SYT1: variants seen among roughly 807,000 people sequenced by gnomAD.
The protein encoded by SYT1 is synaptotagmin-1.
SYT1 carries 8 observed loss-of-function variants against 44.8 expected under a neutral mutation model. That is an observed-to-expected ratio of 0.18 (90% CI 0.10 to 0.32). SYT1 has a LOEUF of 0.32. SYT1 is among the 10% of genes least tolerant of loss of function. The pLI, the probability that SYT1 is intolerant of heterozygous loss-of-function variation, is 1.00. For synonymous variants in SYT1, 154 were observed against 188.8 expected (o/e 0.82, Z 1.51); for missense variants, 286 against 509.3 (o/e 0.56, Z 4.22).
intron 3 of SYT1, among the ~76,000 whole-genome samples, chr12:79,198,451 T>C (rs1255421693): frequency 6.6e-6 from 1 of 152,224 alleles, no homozygotes; most frequent in African/African-American, 2.4e-5. Flanking sequence ...TTCTAAGCCT[T>C]CTAAAAGGCA....
At chr12:79,262,460 A>ATAG (rs1555212573) in intron 4 of SYT1, among the ~76,000 whole-genome samples, 1 of 151,708 alleles carries the variant, frequency 6.6e-6, no homozygotes, top group Non-Finnish European at 1.5e-5. Context: ...TTTACAAGAA[A>ATAG]TATACAATTC....
chr12:79,413,050 A>C (rs1249144170), intron 9 of SYT1, among the ~76,000 whole-genome samples: 1 of 152,154 alleles, frequency 6.6e-6, no homozygotes, highest in East Asian at 1.9e-4. Context: ...TTCAGACTGA[A>C]AGGAAAAAGC....
chr12:79,026,667 T>TTA (rs3064320), intron 2 of SYT1, among the ~76,000 whole-genome samples: 6,544 of 102,038 alleles, frequency 0.064, 208 homozygotes, highest in Non-Finnish European at 0.081. Context: ...CATATATATT[T>TTA]TATATATATA....
chr12:78,924,908 G>A (rs1187868672), intron 1 of SYT1, among the ~76,000 whole-genome samples: 3 of 151,568 alleles, frequency 2.0e-5, no homozygotes, highest in East Asian at 3.9e-4. Flanking sequence ...CTAGATCATG[G>A]GCTAGGTCTT....
chr12:79,255,627 C>G (rs983859390), intron 4 of SYT1, among the ~76,000 whole-genome samples: 1 of 152,206 alleles, frequency 6.6e-6, no homozygotes, highest in Non-Finnish European at 1.5e-5. Flanking sequence ...AATACCAGAA[C>G]AATTCAGCAC....
chr12:78,947,962 G>T (rs965119740), intron 1 of SYT1, among the ~76,000 whole-genome samples: 3 of 151,646 alleles, frequency 2.0e-5, no homozygotes, highest in Non-Finnish European at 4.4e-5. Flanking sequence ...TAAAATACCA[G>T]CTATAGATTT....
chr12:79,322,619 C>G (rs2138983524), intron 8 of SYT1, among the ~76,000 whole-genome samples: 2 of 152,208 alleles, frequency 1.3e-5, no homozygotes, highest in South Asian at 4.2e-4. Context: ...GAACCAAATT[C>G]TCTCCTCCCT....
At chr12:79,428,149 A>C (rs899371288) in intron 9 of SYT1, among the ~76,000 whole-genome samples, 2 of 152,194 alleles carry the variant, frequency 1.3e-5, no homozygotes, top group African/African-American at 4.8e-5. Flanking sequence ...GTCTTCATAG[A>C]TAAATTGGAA....
chr12:79,377,142 C>T (rs534074462), intron 9 of SYT1, among the ~76,000 whole-genome samples: 26 of 123,158 alleles, frequency 2.1e-4, no homozygotes, highest in African/African-American at 1.0e-3. Flanking sequence ...GACAGAGTCT[C>T]GCTCCATTGC....
At chr12:79,380,527 C>T (rs1035773494) in intron 9 of SYT1, among the ~76,000 whole-genome samples, 3 of 152,084 alleles carry the variant, frequency 2.0e-5, no homozygotes, top group East Asian at 1.9e-4. Flanking sequence ...CCCAAGTAGT[C>T]GGGACTACAG....
At chr12:79,322,515 A>G (rs540608750) in intron 8 of SYT1, among the ~76,000 whole-genome samples, 1 of 152,268 alleles carries the variant, frequency 6.6e-6, no homozygotes, top group African/African-American at 2.4e-5. Context: ...CTTTGTTCTT[A>G]TGAGTGTATC....
At chr12:78,955,781 T>G (rs1879179006) in intron 1 of SYT1, among the ~76,000 whole-genome samples, 1 of 150,918 alleles carries the variant, frequency 6.6e-6, no homozygotes, top group South Asian at 2.1e-4. Flanking sequence ...TCCATGCGTT[T>G]TATTTTCTGC....
chr12:79,374,950 G>A (rs925774695), intron 9 of SYT1, among the ~76,000 whole-genome samples: 1 of 152,100 alleles, frequency 6.6e-6, no homozygotes, highest in African/African-American at 2.4e-5. Context: ...AGGCCACATG[G>A]TCTCTCGCAA....
At chr12:79,201,585 T>C (rs945382023) in intron 3 of SYT1, among the ~76,000 whole-genome samples, 1 of 152,172 alleles carries the variant, frequency 6.6e-6, no homozygotes, top group Admixed American at 6.5e-5. Context: ...GGCTAATATA[T>C]AAGCCAGAAT....
chr12:79,222,267 G>A (rs990822525), intron 4 of SYT1, among the ~76,000 whole-genome samples: 1 of 151,500 alleles, frequency 6.6e-6, no homozygotes, highest in Admixed American at 6.6e-5. Flanking sequence ...TATGTCTTGG[G>A]GTAGTCTTAT....
chr12:79,037,268 T>C (rs1359144528), intron 2 of SYT1, among the ~76,000 whole-genome samples: 1 of 151,772 alleles, frequency 6.6e-6, no homozygotes, highest in Non-Finnish European at 1.5e-5. Context: ...GCTTCTCATT[T>C]AATTAATTCC....
intron 9 of SYT1, among the ~76,000 whole-genome samples, chr12:79,389,996 G>A (rs770641428): frequency 5.3e-5 from 8 of 151,334 alleles, no homozygotes; most frequent in Admixed American, 2.0e-4. Flanking sequence ...GCAGCGGCGC[G>A]ATCTTGGCTC....
At chr12:79,155,378 C>G (rs922957020) in intron 3 of SYT1, among the ~76,000 whole-genome samples, 9 of 152,152 alleles carry the variant, frequency 5.9e-5, no homozygotes, top group African/African-American at 1.4e-4. Context: ...TGTTGGAAGG[C>G]AGGGACTCCC....
At chr12:78,947,359 T>G (rs932874571) in intron 1 of SYT1, among the ~76,000 whole-genome samples, 1 of 152,096 alleles carries the variant, frequency 6.6e-6, no homozygotes, top group African/African-American at 2.4e-5. Flanking sequence ...TAGGCTAGAT[T>G]ATGTGCGCAT....
Sources: gnomAD v4.1 joint callset for allele counts (sites outside exome capture counted in the v4.1 genomes callset) on GRCh38, gnomAD v4.1.1 for gene constraint, MANE v1.5 for transcripts, NCBI Gene and HGNC (gene_info 2026-07-23, HGNC 2026-07-21) for gene names.